Variants in CATSPERT observed in about 807,000 individuals in gnomAD.
The protein encoded by CATSPERT is cation channel sperm-associated targeting subunit tau.
the CATSPERT span, among the ~76,000 whole-genome samples, chr2:201,560,255 C>A: frequency 6.6e-6 from 1 of 151,852 alleles, no homozygotes; most frequent in Non-Finnish European, 1.5e-5. Context: ...AGGCGAAACC[C>A]TGTCTCTAGT....
the CATSPERT span, chr2:201,487,765 A>G: frequency 1.3e-5 from 21 of 1,614,140 alleles, no homozygotes; most frequent in South Asian, 3.3e-5. Context: ...CCGGAGCAGT[A>G]TATGGTCTTG....
chr2:201,512,673 T>C, the CATSPERT span, among the ~76,000 whole-genome samples: 1 of 152,180 alleles, frequency 6.6e-6, no homozygotes, highest in South Asian at 2.1e-4. Flanking sequence ...CCAAAGTTTA[T>C]TCACCAGTTA....
the CATSPERT span, chr2:201,575,284 T>A: frequency 5.0e-6 from 8 of 1,588,704 alleles, no homozygotes; most frequent in South Asian, 9.5e-5. Flanking sequence ...GTCCTTACTA[T>A]GTTTCCATGC....
At chr2:201,565,626 T>C in the CATSPERT span, 3 of 1,205,146 alleles carry the variant, frequency 2.5e-6, no homozygotes, top group African/African-American at 1.6e-5. Flanking sequence ...TCTGAGCCTA[T>C]AGCAAGCCTA....
chr2:201,540,000 T>C, the CATSPERT span, among the ~76,000 whole-genome samples: 1 of 152,128 alleles, frequency 6.6e-6, no homozygotes, highest in African/African-American at 2.4e-5. Context: ...AACAGCTTAT[T>C]GCAGATATGG....
chr2:201,610,039 A>C, the CATSPERT span, among the ~76,000 whole-genome samples: 1 of 152,206 alleles, frequency 6.6e-6, no homozygotes, highest in Non-Finnish European at 1.5e-5. Flanking sequence ...ATACACTAAC[A>C]AATTGGAAAA....
chr2:201,572,864 T>A, the CATSPERT span, among the ~76,000 whole-genome samples: 1 of 152,202 alleles, frequency 6.6e-6, no homozygotes, highest in Non-Finnish European at 1.5e-5. Flanking sequence ...GGCACAATTT[T>A]AAAACATATT....
chr2:201,586,501 A>G, the CATSPERT span, among the ~76,000 whole-genome samples: 7 of 152,178 alleles, frequency 4.6e-5, no homozygotes, highest in African/African-American at 1.7e-4. Flanking sequence ...CATTACATAT[A>G]TTAACTACTA....
chr2:201,530,028 G>C, the CATSPERT span, among the ~76,000 whole-genome samples: 1 of 152,166 alleles, frequency 6.6e-6, no homozygotes, highest in Non-Finnish European at 1.5e-5. Context: ...GATCATCAGA[G>C]AAATGCAAAT....
At chr2:201,530,629 A>G in the CATSPERT span, among the ~76,000 whole-genome samples, 1 of 152,212 alleles carries the variant, frequency 6.6e-6, no homozygotes, top group African/African-American at 2.4e-5. Flanking sequence ...TTAAATATAA[A>G]TGGATGAATC....
the CATSPERT span, chr2:201,493,062 T>A: frequency 1.3e-6 from 2 of 1,536,038 alleles, no homozygotes; most frequent in East Asian, 4.9e-5. Context: ...TTTCTAATTC[T>A]TTTTCTGGTT....
chr2:201,537,630 G>A, the CATSPERT span: 1 of 546,796 alleles, frequency 1.8e-6, no homozygotes, highest in Non-Finnish European at 3.2e-6. Context: ...ACACTACTTA[G>A]TATAAACAAG....
the CATSPERT span, among the ~76,000 whole-genome samples, chr2:201,580,061 G>A: frequency 1.3e-5 from 2 of 152,046 alleles, no homozygotes; most frequent in East Asian, 3.9e-4. Flanking sequence ...TTGCCAGACT[G>A]GTCTCCAACT....
At chr2:201,590,142 C>T in the CATSPERT span, among the ~76,000 whole-genome samples, 4 of 151,738 alleles carry the variant, frequency 2.6e-5, no homozygotes, top group African/African-American at 7.3e-5. Flanking sequence ...CTCCTCCCCC[C>T]ACCCCACAAC....
chr2:201,514,677 A>C, the CATSPERT span, among the ~76,000 whole-genome samples: 2 of 152,210 alleles, frequency 1.3e-5, no homozygotes, highest in African/African-American at 4.8e-5. Flanking sequence ...GTCCACATAA[A>C]ATTGGGTATA....
At chr2:201,553,066 C>T in the CATSPERT span, 1 of 152,202 alleles carries the variant, frequency 6.6e-6, no homozygotes, top group Admixed American at 6.5e-5. Context: ...GGCCTCCATA[C>T]ATTAATCATT....
chr2:201,503,638 T>C, the CATSPERT span, among the ~76,000 whole-genome samples: 4 of 152,168 alleles, frequency 2.6e-5, no homozygotes, highest in Non-Finnish European at 5.9e-5. Context: ...CCTTAAGCAA[T>C]CCTCCTACCT....
chr2:201,565,466 G>C, the CATSPERT span, among the ~76,000 whole-genome samples: 10 of 152,202 alleles, frequency 6.6e-5, no homozygotes, highest in East Asian at 1.9e-3. Context: ...CTGGGTGACA[G>C]AGTGAGACAC....
At chr2:201,498,686 T>C in the CATSPERT span, among the ~76,000 whole-genome samples, 1 of 152,104 alleles carries the variant, frequency 6.6e-6, no homozygotes, top group Non-Finnish European at 1.5e-5. Context: ...GAAAATCAGA[T>C]CATGGGAATG....
Sources: allele counts gnomAD v4.1 joint callset (sites outside exome capture counted in the v4.1 genomes callset), GRCh38; gene constraint gnomAD v4.1.1; transcripts MANE v1.5; gene names NCBI Gene and HGNC (gene_info 2026-07-23, HGNC 2026-07-21).